EPB41: variants seen among roughly 807,000 people sequenced by gnomAD.
EPB41 encodes erythrocyte membrane protein band 4.1.
A neutral mutation model predicts 108.0 loss-of-function variants in EPB41; 65 were observed. That is an observed-to-expected ratio of 0.60 (90% CI 0.49 to 0.74). The LOEUF (loss-of-function observed/expected upper bound fraction) is 0.74. Ranked by LOEUF, EPB41 falls within the 30% of genes least tolerant of loss-of-function variation. EPB41 has a pLI of 0.00. For missense variants in EPB41, 875 were observed against 1,037.0 expected (o/e 0.84, Z 2.15); for synonymous variants, 336 against 358.9 (o/e 0.94, Z 0.72).
At chr1:29,109,585 A>G in intron 18 of EPB41, 148 bp downstream of exon 18, 1 of 717,736 alleles carries the variant, frequency 1.4e-6, no homozygotes, top group East Asian at 2.7e-5. Flanking sequence ...CTGGATGGAA[A>G]GGCCCTGCTG....
intron 9 of EPB41, among the ~76,000 whole-genome samples, chr1:29,034,737 A>C (rs1638728986): frequency 6.6e-6 from 1 of 152,162 alleles, no homozygotes; most frequent in South Asian, 2.1e-4. Context: ...AATCAAAGGA[A>C]AAAAGAAATA....
chr1:29,012,015 A>C, intron 5 of EPB41, 108 bp downstream of exon 5: 1 of 1,194,828 alleles, frequency 8.4e-7, no homozygotes, highest in Non-Finnish European at 1.2e-6. Context: ...TGACTACTGC[A>C]GATTGCTTTG....
intron 16 of EPB41, among the ~76,000 whole-genome samples, chr1:29,067,128 G>A (rs1015109688): frequency 2.0e-5 from 3 of 151,094 alleles, no homozygotes; most frequent in Non-Finnish European, 4.4e-5. Flanking sequence ...GCTGAGGCGG[G>A]CTGATCACTT....
At chr1:29,087,451 G>A (rs1273656566) in intron 16 of EPB41, among the ~76,000 whole-genome samples, 3 of 151,608 alleles carry the variant, frequency 2.0e-5, no homozygotes, top group East Asian at 3.9e-4. Context: ...CAACCTCCAC[G>A]TCCTTGGTTC....
chr1:29,023,746 T>C (rs978760961), intron 7 of EPB41, among the ~76,000 whole-genome samples: 1 of 151,826 alleles, frequency 6.6e-6, no homozygotes, highest in African/African-American at 2.4e-5. Context: ...TTACAATAAT[T>C]GTTAAGAGAA....
chr1:29,070,260 C>T (rs1236901710), intron 16 of EPB41: 7 of 919,820 alleles, frequency 7.6e-6, no homozygotes, highest in Non-Finnish European at 9.9e-6. Context: ...CTAAAAGATA[C>T]TTCCAAATCC....
At chr1:28,920,352 T>C (rs1205448338) in intron 1 of EPB41, among the ~76,000 whole-genome samples, 3 of 152,216 alleles carry the variant, frequency 2.0e-5, no homozygotes, top group Non-Finnish European at 4.4e-5. Flanking sequence ...CTCTTGTAGT[T>C]AATTGTTATT....
At chr1:29,059,821 A>G (rs1272248518) in intron 14 of EPB41, among the ~76,000 whole-genome samples, 1 of 152,194 alleles carries the variant, frequency 6.6e-6, no homozygotes, top group Non-Finnish European at 1.5e-5. Flanking sequence ...TACTGTGTAC[A>G]GCCGACTTCT....
chr1:28,901,194 G>A (rs1320852268), intron 1 of EPB41, among the ~76,000 whole-genome samples: 1 of 151,886 alleles, frequency 6.6e-6, no homozygotes, highest in Non-Finnish European at 1.5e-5. Flanking sequence ...CTCCCAAAGT[G>A]CTGGGATTAC....
chr1:28,944,533 G>GTTTTTTTTTTTTTTTTTTTTT (rs1557761714), intron 1 of EPB41, among the ~76,000 whole-genome samples: 1 of 106,618 alleles, frequency 9.4e-6, no homozygotes, highest in African/African-American at 3.9e-5. Flanking sequence ...TCTCAGATCT[G>GTTTTTTTTTTTTTTTTTTTTT]GTTTTTTTTT....
chr1:28,993,566 A>T, intron 3 of EPB41, 24 bp downstream of exon 3: 1 of 1,609,014 alleles, frequency 6.2e-7, no homozygotes, highest in Non-Finnish European at 8.5e-7. Context: ...CATTTCCAAC[A>T]ATCAGAACTC....
At position 29,115,493 on chromosome 1, in the gene EPB41, C is replaced by T. The variant is rs527778029; in HGVS notation, c.2497-206C>T. Among the ~76,000 whole-genome samples, 10 of 152,326 alleles carry T rather than the reference C, an allele frequency of 6.6e-5. No homozygotes were observed. In the South Asian group the frequency reaches 2.1e-3, roughly 32 times the overall value. ...GTTCCTAGAAGACAGCGCTAACCTT[C>T]CCTGTCCCTGTGTTATCAGTCCAGA... is the stretch of plus-strand genomic sequence containing the variant. On this transcript the variant is annotated intron_variant, in intron 19 of 20. Transcript: ENST00000343067. This position sits in a 1 kb window ranked among gnomAD's most constrained non-coding sequence, Gnocchi z 4.4.
At position 29,055,720 on chromosome 1, in the gene EPB41, C is replaced by G. The variant is rs568244900; in HGVS notation, c.1845+2408C>G. Among the ~76,000 whole-genome samples the G allele has an allele frequency of 2.7e-5, 4 of 150,886 alleles. No homozygotes were observed. In the East Asian group the frequency reaches 7.9e-4, roughly 30 times the overall value. Reference sequence around the variant, plus strand: ...ATCCCAGCAATTTGGGAGGCCAGGACGGGTGGATCACAGCCTGGCCAACAT... The same window carrying G: ...ATCCCAGCAATTTGGGAGGCCAGGAGGGGTGGATCACAGCCTGGCCAACAT... On this transcript the variant is annotated intron_variant, in intron 12 of 20. Transcript: ENST00000343067.
chr1:29,106,454 T>A (rs1243663253), intron 17 of EPB41, among the ~76,000 whole-genome samples: 1 of 151,890 alleles, frequency 6.6e-6, no homozygotes, highest in Non-Finnish European at 1.5e-5. Context: ...TTTTTTATTT[T>A]ATTTATTTAT....
At chr1:29,006,617 C>T (rs2096407543) in intron 4 of EPB41, among the ~76,000 whole-genome samples, 1 of 151,974 alleles carries the variant, frequency 6.6e-6, no homozygotes, top group South Asian at 2.1e-4. Context: ...CTCTAAAATC[C>T]CCTATTGTGT....
At position 29,029,735 on chromosome 1, in the gene EPB41, T is replaced by C. The variant is rs182152285; in HGVS notation, c.1125-665T>C. 3.3e-3 allele frequency among the ~76,000 whole-genome samples: 499 copies of C among 152,336 alleles called. 3 individuals carry two copies. The highest frequency in any genetic ancestry group is 9.3e-3 in the Admixed American group (143 of 15,302). Reference sequence around the variant, plus strand: ...ACTGACTGTTTTCAAACAAATCTAATTCATTATATGCCTGGTAATGAAGAC... The same window carrying C: ...ACTGACTGTTTTCAAACAAATCTAACTCATTATATGCCTGGTAATGAAGAC... On this transcript the variant is annotated intron_variant, in intron 7 of 20. Transcript: ENST00000343067.
chr1:29,066,894 C>T (rs1036000314), intron 16 of EPB41, among the ~76,000 whole-genome samples: 6 of 151,196 alleles, frequency 4.0e-5, no homozygotes, highest in African/African-American at 1.5e-4. Context: ...AGGGTGGTCT[C>T]AAACTCCTGA....
At chr1:29,027,454 C>T (rs2096735091) in intron 7 of EPB41, among the ~76,000 whole-genome samples, 1 of 151,838 alleles carries the variant, frequency 6.6e-6, no homozygotes, top group Admixed American at 6.6e-5. Flanking sequence ...GCCTCAGCCT[C>T]CCAAGTAGCT....
intron 11 of EPB41, among the ~76,000 whole-genome samples, chr1:29,051,423 G>C (rs1007513876): frequency 1.3e-5 from 2 of 151,864 alleles, no homozygotes; most frequent in Non-Finnish European, 2.9e-5. Flanking sequence ...TAATATTGTT[G>C]TATGAAGTAG....
Sources: gnomAD v4.1 joint callset for allele counts (sites outside exome capture counted in the v4.1 genomes callset) on GRCh38, gnomAD v4.1.1 for gene constraint, Gnocchi (gnomAD v3.1) non-coding constraint, MANE v1.5 for transcripts, NCBI Gene and HGNC (gene_info 2026-07-23, HGNC 2026-07-21) for gene names.